The following FSIP1 variants were observed in gnomAD, a reference collection of about 807,000 sequenced individuals.
FSIP1 encodes the protein fibrous sheath-interacting protein 1.
Under a neutral mutation model 60.9 loss-of-function variants are expected in FSIP1, and 65 were observed. That is an observed-to-expected ratio of 1.07 (90% CI 0.87 to 1.31). FSIP1 has a LOEUF of 1.31. Ranked by LOEUF, FSIP1 falls within the 40% of genes most tolerant of loss-of-function variation. The probability of loss-of-function intolerance (pLI) is 0.00; values close to 1 mark genes in which losing one functional copy is unlikely to be tolerated. For synonymous variants in FSIP1, 209 were observed against 221.2 expected (o/e 0.94, Z 0.49); for missense variants, 675 against 665.5 (o/e 1.01, Z -0.16).
At chr15:39,768,547 T>A (rs1451584886) in intron 3 of FSIP1, among the ~76,000 whole-genome samples, 1 of 152,248 alleles carries the variant, frequency 6.6e-6, no homozygotes, top group Non-Finnish European at 1.5e-5. Context: ...TGGTATTGTT[T>A]AAATTTGTAA....
chr15:39,743,253 TAAG>T (rs1205036213), intron 5 of FSIP1, among the ~76,000 whole-genome samples: 1 of 152,192 alleles, frequency 6.6e-6, no homozygotes, highest in Non-Finnish European at 1.5e-5. Flanking sequence ...TGCAGGTGGG[TAAG>T]AAGAATTTGA....
chr15:39,697,311 T>C (rs1486064997), intron 10 of FSIP1, among the ~76,000 whole-genome samples: 1 of 152,142 alleles, frequency 6.6e-6, no homozygotes. Context: ...TCTTTAAAAA[T>C]ATTCTCTAGT....
chr15:39,598,688 A>G (rs767843019), downstream of FSIP1: 4 of 152,172 alleles, frequency 2.6e-5, no homozygotes, highest in Non-Finnish European at 5.9e-5. Context: ...TTAAAAATTA[A>G]AATTATGTCA....
chr15:39,632,212 C>G (rs1595553021), intron 10 of FSIP1, among the ~76,000 whole-genome samples: 1 of 152,154 alleles, frequency 6.6e-6, no homozygotes, highest in East Asian at 1.9e-4. Context: ...GGGTCCGACT[C>G]TGTCACCCAG....
chr15:39,673,552 G>A (rs546487180), intron 10 of FSIP1, among the ~76,000 whole-genome samples: 17 of 152,040 alleles, frequency 1.1e-4, no homozygotes, highest in African/African-American at 4.1e-4. Flanking sequence ...CCGTCCTCAA[G>A]CAATCCTCCT....
chr15:39,621,047 G>C (rs1475000864), intron 10 of FSIP1, among the ~76,000 whole-genome samples: 5 of 143,272 alleles, frequency 3.5e-5, no homozygotes, highest in Admixed American at 6.8e-5. Context: ...GCAAGAGAAG[G>C]GCATTTCTTA....
At chr15:39,632,631 A>G (rs1303495517) in intron 10 of FSIP1, among the ~76,000 whole-genome samples, 1 of 152,138 alleles carries the variant, frequency 6.6e-6, no homozygotes, top group East Asian at 1.9e-4. Context: ...TGTGTCTACT[A>G]AAAATACAAA....
chr15:39,760,670 G>T (rs1320487061), intron 5 of FSIP1, among the ~76,000 whole-genome samples: 1 of 152,158 alleles, frequency 6.6e-6, no homozygotes, highest in East Asian at 1.9e-4. Context: ...TCACAGATTG[G>T]AGGAGATTAA....
At chr15:39,623,776 G>A (rs1428761340) in intron 10 of FSIP1, among the ~76,000 whole-genome samples, 1 of 152,168 alleles carries the variant, frequency 6.6e-6, no homozygotes, top group Non-Finnish European at 1.5e-5. Context: ...AGAGTCTAGA[G>A]CTGAGAAACC....
At chr15:39,741,733 T>C (rs1221509648) in intron 6 of FSIP1, 72 bp downstream of exon 6, 12 of 759,194 alleles carry the variant, frequency 1.6e-5, no homozygotes, top group Non-Finnish European at 2.3e-5. Flanking sequence ...ACTTATTTCA[T>C]TTATGAATAT....
intron 1 of FSIP1, among the ~76,000 whole-genome samples, chr15:39,779,224 AT>A (rs1898165243): frequency 6.6e-6 from 1 of 152,144 alleles, no homozygotes; most frequent in African/African-American, 2.4e-5. Context: ...ATCAAAAAAA[AT>A]AGAGAAAGAC....
chr15:39,641,028 A>C (rs1407695705), intron 10 of FSIP1, among the ~76,000 whole-genome samples: 1 of 152,210 alleles, frequency 6.6e-6, no homozygotes, highest in Non-Finnish European at 1.5e-5. Context: ...GTTTGCTTTA[A>C]CATACTGCAA....
intron 5 of FSIP1, among the ~76,000 whole-genome samples, chr15:39,762,911 T>G (rs1169082854): frequency 6.6e-6 from 1 of 152,094 alleles, no homozygotes; most frequent in African/African-American, 2.4e-5. Flanking sequence ...TATTGACAGG[T>G]AAAGGTGCTC....
chr15:39,709,804 C>T (rs59180773), intron 10 of FSIP1, among the ~76,000 whole-genome samples: 13,452 of 152,104 alleles, frequency 0.088, 1,117 homozygotes, highest in Admixed American at 0.21. Flanking sequence ...GAATCTAATG[C>T]CACTGATCTG....
chr15:39,700,525 T>C (rs1261831474), intron 10 of FSIP1, among the ~76,000 whole-genome samples: 1 of 152,268 alleles, frequency 6.6e-6, no homozygotes, highest in East Asian at 1.9e-4. Context: ...TGCAACATCA[T>C]TGACCACAAT....
intron 1 of FSIP1, among the ~76,000 whole-genome samples, chr15:39,780,523 A>T (rs1898226208): frequency 6.6e-6 from 1 of 152,250 alleles, no homozygotes; most frequent in Non-Finnish European, 1.5e-5. Flanking sequence ...CCGTGTCAAA[A>T]AAAGAAAAAA....
intron 9 of FSIP1, among the ~76,000 whole-genome samples, chr15:39,720,298 A>G (rs551168893): frequency 3.9e-5 from 6 of 152,386 alleles, no homozygotes; most frequent in Non-Finnish European, 7.3e-5. Context: ...AAGGAGATCA[A>G]TACAAACTAC....
At chr15:39,719,275 T>C (rs1264728572) in intron 9 of FSIP1, among the ~76,000 whole-genome samples, 1 of 152,230 alleles carries the variant, frequency 6.6e-6, no homozygotes, top group Non-Finnish European at 1.5e-5. Flanking sequence ...ATAGTAGAAA[T>C]ATTTAATCAG....
At chr15:39,765,827 T>C (rs1021245979) in intron 3 of FSIP1, 81 bp from the exon 4 acceptor site, 1 of 750,780 alleles carries the variant, frequency 1.3e-6, no homozygotes, top group African/African-American at 1.8e-5. Context: ...ATTTGTTCTT[T>C]CATTCAACAA....
Sources: allele counts gnomAD v4.1 joint callset (sites outside exome capture counted in the v4.1 genomes callset), GRCh38; gene constraint gnomAD v4.1.1; transcripts MANE v1.5; gene names NCBI Gene and HGNC (gene_info 2026-07-23, HGNC 2026-07-21).